The following MAML2 variants were observed in gnomAD, a reference collection of about 807,000 sequenced individuals.
MAML2 encodes mastermind-like protein 2.
In MAML2, 22 loss-of-function variants were observed where a neutral mutation model predicts 96.1. The ratio of observed to expected loss-of-function variants is 0.23; its 90% confidence interval spans 0.16 to 0.33. The LOEUF (loss-of-function observed/expected upper bound fraction) is 0.33. MAML2 is among the 10% of genes least tolerant of loss of function. MAML2 has a pLI of 1.00. For synonymous variants in MAML2, 561 were observed against 521.3 expected, an observed-to-expected ratio of 1.08 and a Z score of -1.04; for missense variants, 1,367 against 1,392.4, an observed-to-expected ratio of 0.98 and a Z score of 0.29.
At chr11:96,318,186 G>T (rs941242839) in intron 1 of MAML2, among the ~76,000 whole-genome samples, 3 of 152,210 alleles carry the variant, frequency 2.0e-5, no homozygotes, top group African/African-American at 7.2e-5. Flanking sequence ...ACCAGATCCT[G>T]TAATAAATGC....
At chr11:95,981,936 G>C (rs1259795464) in intron 4 of MAML2, among the ~76,000 whole-genome samples, 2 of 152,140 alleles carry the variant, frequency 1.3e-5, no homozygotes, top group African/African-American at 4.8e-5. Flanking sequence ...TAAACAACCA[G>C]AATAGAGAGA....
intron 1 of MAML2, among the ~76,000 whole-genome samples, chr11:96,289,964 TAGAA>T (rs1863187210): frequency 6.6e-6 from 1 of 152,200 alleles, no homozygotes; most frequent in African/African-American, 2.4e-5. Context: ...GAAAATCAGT[TAGAA>T]AGGGCCTTAG....
intron 2 of MAML2, among the ~76,000 whole-genome samples, chr11:96,089,484 C>T (rs1859670709): frequency 6.6e-6 from 1 of 152,126 alleles, no homozygotes; most frequent in East Asian, 1.9e-4. Flanking sequence ...GCAAAAATTG[C>T]CCTGATAGGA....
intron 2 of MAML2, among the ~76,000 whole-genome samples, chr11:96,081,020 C>T (rs1859521669): frequency 6.6e-6 from 1 of 152,090 alleles, no homozygotes; most frequent in Non-Finnish European, 1.5e-5. Context: ...GGTCTGTATG[C>T]CCTCTTCATG....
intron 1 of MAML2, among the ~76,000 whole-genome samples, chr11:96,259,941 A>ATTT (rs5793794): frequency 7.0e-6 from 1 of 143,092 alleles, no homozygotes; most frequent in Non-Finnish European, 1.5e-5. Flanking sequence ...CTGACTTGTG[A>ATTT]TTTTTTTTTT....
At chr11:96,250,681 T>G (rs964271968) in intron 1 of MAML2, among the ~76,000 whole-genome samples, 8 of 152,250 alleles carry the variant, frequency 5.3e-5, no homozygotes, top group African/African-American at 1.9e-4. Flanking sequence ...TTCTCTTCTG[T>G]GTAAAGCATT....
chr11:96,332,458 C>T (rs1863866569), intron 1 of MAML2, among the ~76,000 whole-genome samples: 1 of 152,190 alleles, frequency 6.6e-6, no homozygotes, highest in African/African-American at 2.4e-5. Flanking sequence ...GATCCACATG[C>T]AAAGAATCTA....
chr11:96,282,803 C>T (rs748499879), intron 1 of MAML2, among the ~76,000 whole-genome samples: 21 of 152,188 alleles, frequency 1.4e-4, no homozygotes, highest in Non-Finnish European at 1.9e-4. Context: ...CCTTCATGAA[C>T]ATTAGCAAAT....
At chr11:96,180,673 T>C (rs959196527) in intron 1 of MAML2, among the ~76,000 whole-genome samples, 3 of 152,068 alleles carry the variant, frequency 2.0e-5, no homozygotes, top group Non-Finnish European at 4.4e-5. Context: ...GCAAAACAGA[T>C]GTTGTCATTG....
chr11:96,320,206 C>A (rs760495948), intron 1 of MAML2, among the ~76,000 whole-genome samples: 25 of 152,202 alleles, frequency 1.6e-4, no homozygotes, highest in Admixed American at 2.6e-4. Flanking sequence ...GAATGAACTC[C>A]TTGTTATATT....
intron 2 of MAML2, among the ~76,000 whole-genome samples, chr11:96,054,050 T>C (rs1410182518): frequency 6.6e-6 from 1 of 152,204 alleles, no homozygotes; most frequent in Non-Finnish European, 1.5e-5. Flanking sequence ...CAATCTTACT[T>C]ACATGTATTA....
At chr11:96,291,853 T>TTTTTAGTTA (rs1863217035) in intron 1 of MAML2, among the ~76,000 whole-genome samples, 1 of 152,176 alleles carries the variant, frequency 6.6e-6, no homozygotes, top group Non-Finnish European at 1.5e-5. Flanking sequence ...CCTGGATGTA[T>TTTTTAGTTA]ATCACCTTTG....
intron 1 of MAML2, among the ~76,000 whole-genome samples, chr11:96,289,615 T>C (rs1445910573): frequency 2.0e-5 from 3 of 152,230 alleles, no homozygotes; most frequent in African/African-American, 7.2e-5. Context: ...TTGCTCTGGG[T>C]ATTTATTTAA....
intron 1 of MAML2, among the ~76,000 whole-genome samples, chr11:96,153,911 C>CAATAAATA (rs59318960): frequency 0.011 from 1,581 of 137,992 alleles, 12 homozygotes; most frequent in Admixed American, 0.016. Context: ...GACTCCGTCT[C>CAATAAATA]AATAAATAAA....
chr11:96,036,625 T>C (rs1323560452), intron 2 of MAML2, among the ~76,000 whole-genome samples: 2 of 152,178 alleles, frequency 1.3e-5, no homozygotes, highest in Admixed American at 6.5e-5. Flanking sequence ...TGGCCCATGA[T>C]GAGGGAAACT....
At chr11:96,064,918 T>C (rs1205909800) in intron 2 of MAML2, among the ~76,000 whole-genome samples, 2 of 152,236 alleles carry the variant, frequency 1.3e-5, no homozygotes, top group African/African-American at 4.8e-5. Context: ...AACTTGATCA[T>C]TGTCATTTTG....
intron 1 of MAML2, among the ~76,000 whole-genome samples, chr11:96,206,987 C>G (rs1029696440): frequency 2.0e-5 from 3 of 152,190 alleles, no homozygotes; most frequent in Non-Finnish European, 2.9e-5. Flanking sequence ...GAAATATCAT[C>G]GCCCAACCTC....
At chr11:96,014,212 A>C (rs987901742) in intron 2 of MAML2, among the ~76,000 whole-genome samples, 7 of 152,158 alleles carry the variant, frequency 4.6e-5, no homozygotes, top group Admixed American at 6.5e-5. Flanking sequence ...CTCCCAGTAT[A>C]CTCAGCATTT....
intron 2 of MAML2, among the ~76,000 whole-genome samples, chr11:96,090,755 G>A (rs1283914999): frequency 6.6e-6 from 1 of 152,190 alleles, no homozygotes; most frequent in East Asian, 1.9e-4. Flanking sequence ...TCCTCTTTGA[G>A]TCTGGTGTTC....
Sources: allele counts gnomAD v4.1 joint callset (sites outside exome capture counted in the v4.1 genomes callset), GRCh38; gene constraint gnomAD v4.1.1; transcripts MANE v1.5; gene names NCBI Gene and HGNC (gene_info 2026-07-23, HGNC 2026-07-21).